Variants in DAGLA observed in about 807,000 individuals in gnomAD.
DAGLA encodes the protein diacylglycerol lipase alpha, also known as diacylglycerol lipase-alpha.
A neutral mutation model predicts 102.6 loss-of-function variants in DAGLA; 22 were observed. That is an observed-to-expected ratio of 0.21 (90% CI 0.15 to 0.31). The LOEUF (loss-of-function observed/expected upper bound fraction) is 0.31, where lower values mean the gene tolerates loss of function less well. Ranked by LOEUF, DAGLA falls within the 10% of genes least tolerant of loss-of-function variation. The pLI is 1.00. For synonymous variants in DAGLA, 578 were observed against 628.9 expected, an observed-to-expected ratio of 0.92 and a Z score of 1.21; for missense variants, 927 against 1,446.6, an observed-to-expected ratio of 0.64 and a Z score of 5.83.
chr11:61,720,625 A>G, intron 2 of DAGLA, 54 bp from the exon 3 acceptor site: 1 of 1,554,562 alleles, frequency 6.4e-7, no homozygotes, highest in Non-Finnish European at 8.9e-7. Flanking sequence ...TGCTAGTAGC[A>G]TCTCGAGGTA....
intron 18 of DAGLA, among the ~76,000 whole-genome samples, chr11:61,740,855 G>A (rs540790131): frequency 1.3e-5 from 2 of 152,310 alleles, no homozygotes; most frequent in Admixed American, 6.5e-5. Flanking sequence ...CAGCTCAGAG[G>A]CCCGGAAGGC....
In DAGLA at chr11:61,745,812, CCCTG is replaced by C; in HGVS notation, c.*1333_*1336del. 6.5e-6 allele frequency: 1 copy of C among 152,914 alleles called. No homozygotes were observed. The highest frequency in any genetic ancestry group is 1.5e-5 in the Non-Finnish European group (1 of 68,460). The allele number at this position is 152,914 out of a possible 1,614,324, so 9.5% of individuals were successfully genotyped here. A position where few individuals can be genotyped will look rare whatever the true frequency, so the allele number is the denominator to read the frequency against. On this transcript the variant is annotated 3_prime_UTR_variant, in exon 20 of 20. Coordinates refer to ENST00000257215, the MANE Select transcript of DAGLA (RefSeq NM_006133.3). The stretch of plus-strand genomic sequence containing the variant: ...CCTCTGGGGCTGCCCACCCTACCTG[CCCTG>C]CCTGCCTGCTGCCCCTCCCAGCCTG...
chr11:61,713,976 G>A (rs2065214725), intron 1 of DAGLA, among the ~76,000 whole-genome samples: 2 of 152,200 alleles, frequency 1.3e-5, no homozygotes, highest in African/African-American at 4.8e-5. Flanking sequence ...TCATGGAAAT[G>A]GGAGTCCTGG....
chr11:61,687,338 C>CTT (rs879495403), intron 1 of DAGLA, among the ~76,000 whole-genome samples: 1 of 146,982 alleles, frequency 6.8e-6, no homozygotes, highest in East Asian at 2.0e-4. Context: ...CTCTAGCACT[C>CTT]TTTTTTTTTT....
At chr11:61,706,691 C>T (rs1044196290) in intron 1 of DAGLA, among the ~76,000 whole-genome samples, 1 of 152,210 alleles carries the variant, frequency 6.6e-6, no homozygotes, top group Non-Finnish European at 1.5e-5. Context: ...TGAGCTGTGA[C>T]GCAGGCTGAC....
intron 1 of DAGLA, among the ~76,000 whole-genome samples, chr11:61,697,114 C>T (rs1272351561): frequency 6.6e-6 from 1 of 152,194 alleles, no homozygotes; most frequent in Non-Finnish European, 1.5e-5. Context: ...CCCCTACCTG[C>T]TCACCTGGCC....
rs2064970870 is a variant in DAGLA, at chr11:61,684,532, G to A, written c.-45+4028G>A. On this transcript the variant is annotated intron_variant, in intron 1 of 19. Transcript: ENST00000257215. This position sits in a 1 kb window ranked among gnomAD's most constrained non-coding sequence, Gnocchi z 4.5. ...CCCAGGAAACTGCCTTATCTGTGAG[G>A]ACCTCTTTGCTGCTGAGGAAGGAGT... is the stretch of plus-strand genomic sequence containing the variant. Among the ~76,000 whole-genome samples, 1 of 152,144 alleles carries A rather than the reference G, an allele frequency of 6.6e-6. No homozygotes were observed. The highest frequency in any genetic ancestry group is 2.4e-5 in the African/African-American group (1 of 41,416).
At chr11:61,708,985 C>A (rs894718303) in intron 1 of DAGLA, among the ~76,000 whole-genome samples, 4 of 152,128 alleles carry the variant, frequency 2.6e-5, no homozygotes, top group Non-Finnish European at 5.9e-5. Flanking sequence ...ACAGAATAGT[C>A]AGCTGTAGGC....
intron 1 of DAGLA, among the ~76,000 whole-genome samples, chr11:61,718,744 AC>A (rs1362903907): frequency 3.3e-5 from 5 of 151,250 alleles, no homozygotes; most frequent in African/African-American, 9.7e-5. Context: ...AGTAGGCACG[AC>A]CCCGGCAGGC....
intron 12 of DAGLA, 90 bp from the exon 13 acceptor site, chr11:61,736,180 G>T: frequency 9.1e-7 from 1 of 1,099,016 alleles, no homozygotes; most frequent in South Asian, 1.3e-5. Context: ...AAAATGGATG[G>T]GGCAGGGTTC....
intron 9 of DAGLA, among the ~76,000 whole-genome samples, chr11:61,733,365 C>T (rs2065392723): frequency 6.6e-6 from 1 of 152,232 alleles, no homozygotes; most frequent in African/African-American, 2.4e-5. Context: ...GGGGACCATG[C>T]TCTCCCATTG....
At chr11:61,739,752 G>A (rs1050164745) in intron 17 of DAGLA, 91 bp downstream of exon 17, 38 of 1,328,242 alleles carry the variant, frequency 2.9e-5, no homozygotes, top group Middle Eastern at 2.4e-4. Flanking sequence ...ATCACCGCTC[G>A]GGGCTGGGGG....
At chr11:61,688,698 A>G (rs1199119816) in intron 1 of DAGLA, among the ~76,000 whole-genome samples, 1 of 152,134 alleles carries the variant, frequency 6.6e-6, no homozygotes, top group East Asian at 1.9e-4. Flanking sequence ...CATGCAGCCT[A>G]ACTAGGTCAG....
In DAGLA at chr11:61,740,537, C is replaced by T. The variant is rs768617681; in HGVS notation, c.1928C>T (p.Ser643Leu). 1 of 1,613,774 alleles carries T rather than the reference C, an allele frequency of 6.2e-7. No homozygotes were observed. Among genetic ancestry groups the T allele is most frequent in the African/African-American group, 1.3e-5 (1 of 74,918 alleles). ...DNKAFNEVII[S>L]PAMLHEHLPY... Reference sequence around the variant, plus strand: ...AAGGCCTTCAATGAGGTGATCATCTCGCCAGCCATGCTGCATGAGCACCTG... The same window carrying T: ...AAGGCCTTCAATGAGGTGATCATCTTGCCAGCCATGCTGCATGAGCACCTG... Residue 643 changes from serine (S) to leucine (L), a missense_variant, in exon 18 of 20, where the codon TCG (serine) becomes TTG (leucine). Ser to Leu is a moderately radical substitution (Grantham distance 145). Coordinates refer to ENST00000257215, the MANE Select transcript of DAGLA (RefSeq NM_006133.3).
chr11:61,720,151 C>T lies in DAGLA; in HGVS notation c.-5C>T, dbSNP rs2065269672. 6.2e-7 allele frequency: 1 copy of T among 1,611,976 alleles called. No individual in the cohort carries two copies. Among genetic ancestry groups the T allele is most frequent in the African/African-American group, 1.3e-5 (1 of 75,060 alleles). On this transcript the variant is annotated 5_prime_UTR_variant, in exon 2 of 20. Coordinates refer to ENST00000257215, the MANE Select transcript of DAGLA (RefSeq NM_006133.3). ...GCCCACTGAGCCTCTGCAGAGCCAC[C>T]AGCCATGCCCGGGATCGTGGTGTTC...
rs896304626 is a variant in DAGLA, at chr11:61,700,877, C to T, written c.-44-19235C>T. Among the ~76,000 whole-genome samples, 4 of 152,246 alleles carry T rather than the reference C, an allele frequency of 2.6e-5. No homozygotes were observed. In the East Asian group the frequency reaches 5.8e-4, roughly 22 times the overall value. ...CTGCACCTCCCTGCTCCTCCAGCAA[C>T]GAGACCCCCTGCATGTCACTCACAT... On this transcript the variant is annotated intron_variant, in intron 1 of 19. Coordinates refer to ENST00000257215, the MANE Select transcript of DAGLA (RefSeq NM_006133.3).
chr11:61,686,189 GAGATTGGTC>G lies in DAGLA; in HGVS notation c.-45+5688_-45+5696del, dbSNP rs1204938145. On this transcript the variant is annotated intron_variant, in intron 1 of 19. Transcript: ENST00000257215. This position sits in a 1 kb window ranked among gnomAD's most constrained non-coding sequence, Gnocchi z 5.2. Reference sequence around the variant, plus strand: ...ATTATGGAAGGGAGACAGAAATCATGAGATTGGTCAGTGTGGTCACTAGGAGGGGAAGGG... The same window carrying G: ...ATTATGGAAGGGAGACAGAAATCATGAGTGTGGTCACTAGGAGGGGAAGGG... Among the ~76,000 whole-genome samples the G allele has an allele frequency of 6.6e-6, 1 of 152,122 alleles. No individual in the cohort carries two copies. The highest frequency in any genetic ancestry group is 1.5e-5 in the Non-Finnish European group (1 of 68,014).
At chr11:61,725,354 T>A (rs1591044493) in intron 5 of DAGLA, among the ~76,000 whole-genome samples, 1 of 151,950 alleles carries the variant, frequency 6.6e-6, no homozygotes. Flanking sequence ...GGGGATGGGG[T>A]TGGGGGGTGA....
At chr11:61,688,446 C>G (rs943416786) in intron 1 of DAGLA, among the ~76,000 whole-genome samples, 1 of 152,216 alleles carries the variant, frequency 6.6e-6, no homozygotes, top group African/African-American at 2.4e-5. Flanking sequence ...CTAAGCCACC[C>G]CAGCCCGGCA....
Sources: allele counts gnomAD v4.1 joint callset (sites outside exome capture counted in the v4.1 genomes callset), GRCh38; gene constraint gnomAD v4.1.1; non-coding constraint Gnocchi (gnomAD v3.1); transcripts MANE v1.5; gene names NCBI Gene and HGNC (gene_info 2026-07-23, HGNC 2026-07-21).